The following RBP3 variants were observed in gnomAD, a reference collection of about 807,000 sequenced individuals.
RBP3 encodes retinol-binding protein 3.
RBP3 carries 50 observed loss-of-function variants against 64.8 expected under a neutral mutation model. The observed-to-expected ratio is 0.77, with a 90% CI of 0.61 to 0.98. The LOEUF (loss-of-function observed/expected upper bound fraction) is 0.98. Among genes scored for constraint, RBP3 ranks in the 50% least tolerant of loss-of-function variants. The pLI is 0.00. For missense variants in RBP3, 1,712 were observed against 1,660.5 expected, an observed-to-expected ratio of 1.03 and a Z score of -0.54; for synonymous variants, 828 against 730.2, an observed-to-expected ratio of 1.13 and a Z score of -2.16.
rs782379329 is a variant in RBP3, at chr10:47,350,207, C to T, written c.1723C>T (p.His575Tyr). The change falls in exon 1 of 4, where the codon CAC (histidine) becomes TAC (tyrosine). Residue 575 changes from histidine to tyrosine, a missense_variant. His to Tyr is a moderately conservative substitution (Grantham distance 83). Coordinates refer to ENST00000584701, the MANE Select transcript of RBP3 (RefSeq NM_002900.3). ...TGAGATCACCGCGGGCAACCTGCTGCACACCCGCACGGTGCCGCTGCTGGA... is the reference window on the plus strand; with the variant it reads ...TGAGATCACCGCGGGCAACCTGCTGTACACCCGCACGGTGCCGCTGCTGGA... ...VGEITAGNLLHTRTVPLLDTP... is the reference protein window; with the variant it reads ...VGEITAGNLLYTRTVPLLDTP... 8 of 1,609,812 alleles carry T rather than the reference C, an allele frequency of 5.0e-6. No individual in the cohort carries two copies. Among genetic ancestry groups the T allele is most frequent in the Non-Finnish European group, 5.9e-6 (7 of 1,179,976 alleles).
In RBP3 at chr10:47,350,313, G is replaced by C. The variant is rs781924662; in HGVS notation, c.1829G>C (p.Gly610Ala). The change falls in exon 1 of 4, where the codon GGA becomes GCA. Residue 610 changes from glycine to alanine, a missense_variant. Gly to Ala is a moderately conservative substitution (Grantham distance 60, BLOSUM62 0). Coordinates refer to ENST00000584701, the MANE Select transcript of RBP3 (RefSeq NM_002900.3). ...DNHGEAWLGG[G>A]VVPDAIVLAE... Reference sequence around the variant, plus strand: ...CACGGCGAGGCCTGGCTGGGTGGTGGAGTGGTGCCCGATGCCATCGTGCTG... The same window carrying C: ...CACGGCGAGGCCTGGCTGGGTGGTGCAGTGGTGCCCGATGCCATCGTGCTG... 1.4e-5 allele frequency: 22 copies of C among 1,610,540 alleles called. No individual in the cohort carries two copies. The highest frequency in any genetic ancestry group is 1.8e-5 in the Non-Finnish European group (21 of 1,179,938).
chr10:47,355,620 G>A, intron 3 of RBP3, 102 bp downstream of exon 3: 1 of 1,439,622 alleles, frequency 6.9e-7, no homozygotes, highest in South Asian at 1.2e-5. Flanking sequence ...TAACCAGAAT[G>A]TAAGGCCCTG....
intron 3 of RBP3, among the ~76,000 whole-genome samples, chr10:47,355,983 T>C (rs1555211950): frequency 3.3e-5 from 5 of 152,066 alleles, no homozygotes; most frequent in Non-Finnish European, 7.4e-5. Context: ...GGGCTTCTGT[T>C]CCCCGCCCTG....
At chr10:47,352,983 T>C (rs1555211744) in intron 1 of RBP3, among the ~76,000 whole-genome samples, 1 of 152,180 alleles carries the variant, frequency 6.6e-6, no homozygotes, top group African/African-American at 2.4e-5. Flanking sequence ...ACTAACATCT[T>C]CCAATCCTGC....
chr10:47,352,923 G>C (rs1041016704), intron 1 of RBP3, among the ~76,000 whole-genome samples: 1 of 152,198 alleles, frequency 6.6e-6, no homozygotes, highest in South Asian at 2.1e-4. Context: ...TGAGGATGAT[G>C]ATAAGCTCTA....
rs2132252167 is a variant in RBP3 at position 47,348,654 on chromosome 10, A to T, written c.170A>T (p.Lys57Met). 1.9e-6 allele frequency: 3 copies of T among 1,613,570 alleles called. No homozygotes were observed. The highest frequency in any genetic ancestry group is 2.5e-6 in the Non-Finnish European group (3 of 1,180,020). ...GMQEAIQQAIKSHEILSISDP... is the reference protein window; with the variant it reads ...GMQEAIQQAIMSHEILSISDP... ...CAGGAAGCCATCCAGCAGGCCATCAAGAGCCATGAGATTCTGAGCATCTCA... is the reference window on the plus strand; with the variant it reads ...CAGGAAGCCATCCAGCAGGCCATCATGAGCCATGAGATTCTGAGCATCTCA... The change falls in exon 1 of 4, where the codon AAG becomes ATG. Residue 57 changes from lysine (K) to methionine (M), a missense_variant. By Grantham distance (95) the Lys-to-Met change is moderately conservative. Transcript: ENST00000584701.
Position 47,350,321 on chromosome 10 carries a change from C to T in RBP3, c.1837C>T (p.Pro613Ser), listed in dbSNP as rs1555211350. The change falls in exon 1 of 4, where the codon CCC becomes TCC. Residue 613 changes from proline to serine, a missense_variant. Transcript: ENST00000584701. ...GEAWLGGGVV[P>S]DAIVLAEEAL... ...GGCCTGGCTGGGTGGTGGAGTGGTG[C>T]CCGATGCCATCGTGCTGGCCGAGGA... 1.9e-6 allele frequency: 3 copies of T among 1,610,868 alleles called. No individual in the cohort carries two copies. The highest frequency in any genetic ancestry group is 1.1e-5 in the South Asian group (1 of 91,088).
In RBP3 at chr10:47,348,750, T is replaced by A; in HGVS notation, c.266T>A (p.Ile89Asn). ...QSSLNDPRLV[I>N]SYEPSTPEPP... ...TCCCTGAACGATCCTCGCCTGGTCA[T>A]CTCCTATGAGCCCAGCACCCCCGAG... Residue 89 changes from isoleucine to asparagine, a missense_variant, in exon 1 of 4, where the codon ATC becomes AAC. Transcript: ENST00000584701. 2 of 1,613,456 alleles carry A rather than the reference T, an allele frequency of 1.2e-6. No homozygotes were observed. Among genetic ancestry groups the A allele is most frequent in the Non-Finnish European group, 1.7e-6 (2 of 1,179,996 alleles).
intron 2 of RBP3, 85 bp downstream of exon 2, chr10:47,353,600 A>C: frequency 2.0e-6 from 3 of 1,519,546 alleles, no homozygotes; most frequent in Non-Finnish European, 2.7e-6. Flanking sequence ...GCAGGGAAGA[A>C]AAGGAACCCT....
chr10:47,349,378 C>A lies in RBP3; in HGVS notation c.894C>A (p.Gly298=). 1.2e-6 allele frequency: 2 copies of A among 1,612,052 alleles called. No homozygotes were observed. Among genetic ancestry groups the A allele is most frequent in the Non-Finnish European group, 1.7e-6 (2 of 1,179,938 alleles). ...GTGGAGGCAGCCAGACGTGGGAGGGCAGCGGGGTGCTGCCCTGTGTGGGGA... is the reference window on the plus strand; with the variant it reads ...GTGGAGGCAGCCAGACGTGGGAGGGAAGCGGGGTGCTGCCCTGTGTGGGGA... ...PLGGGSQTWE[G]SGVLPCVGTP... The change falls in exon 1 of 4, where the codon GGC becomes GGA. Residue 298 remains glycine (G), a synonymous_variant. Coordinates refer to ENST00000584701, the MANE Select transcript of RBP3 (RefSeq NM_002900.3).
chr10:47,351,771 T>G lies in RBP3; in HGVS notation c.3054+233T>G, dbSNP rs144813214. 3.5e-3 allele frequency among the ~76,000 whole-genome samples: 536 copies of G among 152,330 alleles called. 2 individuals are homozygous for G. Among genetic ancestry groups the G allele is most frequent in the African/African-American group, 0.012 (494 of 41,562 alleles). On this transcript the variant is annotated intron_variant, in intron 1 of 3. Transcript: ENST00000584701. ...CATTCATATTAGGTTGGTGCAAAAG[T>G]ACTTTCAATGGCAAAACCCGCAATT...
rs1045036678 is a variant in RBP3 at position 47,351,107 on chromosome 10, G to A, written c.2623G>A (p.Gly875Ser). Residue 875 changes from glycine to serine, a missense_variant, in exon 1 of 4, where the codon GGC (glycine) becomes AGC (serine). Transcript: ENST00000584701. ...GGTCATTGGGGAGCCCACGGCCGGA[G>A]GCGCACTCTCTGTGGGCATCTACCA... ...ATVIGEPTAG[G>S]ALSVGIYQVG... is the part of the protein sequence containing the mutation. 8 of 1,612,702 alleles carry A rather than the reference G, an allele frequency of 5.0e-6. No individual in the cohort carries two copies. Among genetic ancestry groups the A allele is most frequent in the Admixed American group, 3.3e-5 (2 of 60,012 alleles).
At position 47,349,942 on chromosome 10, in the gene RBP3, C is replaced by T; in HGVS notation, c.1458C>T (p.Ser486=). The change falls in exon 1 of 4, where the codon TCC becomes TCT. Residue 486 remains serine (S), a synonymous_variant. Coordinates refer to ENST00000584701, the MANE Select transcript of RBP3 (RefSeq NM_002900.3). ...MDLRHNPGGP[S]SAVPLLLSYF... ...TGCGCCACAACCCTGGAGGGCCATC[C>T]TCTGCTGTGCCCCTGCTCCTGTCCT... The T allele has an allele frequency of 6.2e-7, 1 of 1,612,570 alleles. No individual in the cohort carries two copies.
chr10:47,356,636 G>C (rs1177742777), intron 3 of RBP3, among the ~76,000 whole-genome samples: 1 of 152,162 alleles, frequency 6.6e-6, no homozygotes, highest in Admixed American at 6.6e-5. Context: ...GCTTAACATG[G>C]CTACTAGGGA....
In RBP3 at chr10:47,351,100, G is replaced by A. The variant is rs570062125; in HGVS notation, c.2616G>A (p.Thr872=). ...GGGCCACGGTCATTGGGGAGCCCAC[G>A]GCCGGAGGCGCACTCTCTGTGGGCA... ...LQRATVIGEP[T]AGGALSVGIY... is the part of the protein sequence containing the mutation. The change falls in exon 1 of 4, where the codon ACG becomes ACA. Residue 872 remains threonine (T), a synonymous_variant. Transcript: ENST00000584701. The A allele has an allele frequency of 3.8e-5, 62 of 1,612,652 alleles. No homozygotes were observed. In the East Asian group the frequency reaches 8.5e-4, roughly 22 times the overall value.
rs1056863173 is a variant in RBP3 at position 47,352,305 on chromosome 10, G to A, written c.3054+767G>A. Among the ~76,000 whole-genome samples, 28 of 152,208 alleles carry A rather than the reference G, an allele frequency of 1.8e-4. 1 individual carries two copies. Among genetic ancestry groups the A allele is most frequent in the Admixed American group, 6.5e-4 (10 of 15,284 alleles). On this transcript the variant is annotated intron_variant, in intron 1 of 3. Coordinates refer to ENST00000584701, the MANE Select transcript of RBP3 (RefSeq NM_002900.3). ...TAGCCCTCTGCAGGCAGGGCCCAGT[G>A]GTTCCTGTCCCGCATTGGCCAAGAG...
rs782126726 is a variant in RBP3, at chr10:47,357,339, TG to T, written c.3631del (p.Val1211Ter). ...GASDGSSWEG[V>X]GVTPHVVVPA... is the part of the protein sequence containing the mutation. ...TCGGATGGCAGCTCCTGGGAAGGGG[TG>T]GGGGTGACACCCCATGTGGTTGTCC... On this transcript the variant is annotated frameshift_variant, in exon 4 of 4. Transcript: ENST00000584701. LOFTEE classifies it low-confidence loss of function (END_TRUNC). The T allele has an allele frequency of 3.7e-6, 6 of 1,613,740 alleles. No individual in the cohort carries two copies. The African/African-American group carries it at 8.0e-5, about 22-fold the overall frequency.
Position 47,355,515 on chromosome 10 carries a change from G to A in RBP3, c.3385G>A (p.Val1129Ile). Residue 1129 changes from valine (V) to isoleucine (I), a missense_variant, in exon 3 of 4, where the codon GTA (valine) becomes ATA (isoleucine). Transcript: ENST00000584701. The stretch of plus-strand genomic sequence containing the variant: ...TGAACTCTGGACACACGCCCAGGTT[G>A]TAGGTACGTGGAGAAGCTTTCTCCT... Reference protein sequence around the residue: ...VSELWTHAQVVGERYGSKKSM... With the variant: ...VSELWTHAQVIGERYGSKKSM... 6.2e-7 allele frequency: 1 copy of A among 1,614,214 alleles called. No individual in the cohort carries two copies. Among genetic ancestry groups the A allele is most frequent in the Non-Finnish European group, 8.5e-7 (1 of 1,180,048 alleles).
chr10:47,350,158 G>T lies in RBP3; in HGVS notation c.1674G>T (p.Ser558=), dbSNP rs372137106. ...AGGAGTTCGCCTTCCTTATGCAGTCGCTGGGCTGGGCCACACTGGTAGGTG... is the reference window on the plus strand; with the variant it reads ...AGGAGTTCGCCTTCCTTATGCAGTCTCTGGGCTGGGCCACACTGGTAGGTG... ...AAEEFAFLMQ[S]LGWATLVGEI... The change falls in exon 1 of 4, where the codon TCG becomes TCT. Residue 558 remains serine, a synonymous_variant. Coordinates refer to ENST00000584701, the MANE Select transcript of RBP3 (RefSeq NM_002900.3). The T allele has an allele frequency of 2.1e-5, 34 of 1,612,344 alleles. No individual in the cohort carries two copies. Among genetic ancestry groups the T allele is most frequent in the Non-Finnish European group, 2.8e-5 (33 of 1,180,012 alleles).
Sources: allele counts gnomAD v4.1 joint callset (sites outside exome capture counted in the v4.1 genomes callset), GRCh38; gene constraint gnomAD v4.1.1; transcripts MANE v1.5; gene names NCBI Gene and HGNC (gene_info 2026-07-23, HGNC 2026-07-21).